NAV1: variants seen among roughly 807,000 people sequenced by gnomAD.
NAV1 encodes the protein neuron navigator 1, also known as pore membrane and/or filament interacting like protein 3.
A neutral mutation model predicts 175.2 loss-of-function variants in NAV1; 18 were observed. The ratio of observed to expected loss-of-function variants is 0.10; its 90% CI spans 0.07 to 0.15. NAV1 has a LOEUF of 0.15. Ranked by LOEUF, NAV1 falls within the 10% of genes least tolerant of loss-of-function variation. The pLI is 1.00. For synonymous variants in NAV1, 897 were observed against 978.7 expected, an observed-to-expected ratio of 0.92 and a Z score of 1.56; for missense variants, 1,731 against 2,436.6, an observed-to-expected ratio of 0.71 and a Z score of 6.10.
At chr1:201,661,264 C>T (rs747621486) in intron 1 of NAV1, among the ~76,000 whole-genome samples, 13 of 152,306 alleles carry the variant, frequency 8.5e-5, no homozygotes, top group Admixed American at 5.9e-4. Flanking sequence ...CTATAGGAAT[C>T]GGTTCTCTCT....
In NAV1 at chr1:201,737,985, G is replaced by A. The variant is rs1004369577; in HGVS notation, c.1226+19230G>A. On this transcript the variant is annotated intron_variant, in intron 3 of 29. Transcript: ENST00000367296. ...CTAGAGAACTCATTGTGCTCACCCCGTTTCGGGTGGTGGTGAGGATGGGAG... is the reference window on the plus strand; with the variant it reads ...CTAGAGAACTCATTGTGCTCACCCCATTTCGGGTGGTGGTGAGGATGGGAG... 2.0e-5 allele frequency among the ~76,000 whole-genome samples: 3 copies of A among 152,106 alleles called. 1 individual carries two copies. Among genetic ancestry groups the A allele is most frequent in the Admixed American group, 2.0e-4 (3 of 15,264 alleles).
intron 15 of NAV1, chr1:201,796,127 A>G (rs1307700934): frequency 1.3e-5 from 2 of 152,150 alleles, no homozygotes; most frequent in African/African-American, 2.4e-5. Flanking sequence ...TAATGCTGCC[A>G]TAAACATTCA....
chr1:201,804,071 AT>A, intron 16 of NAV1: 1 of 485,462 alleles, frequency 2.1e-6, no homozygotes, highest in Non-Finnish European at 3.9e-6. Flanking sequence ...CTATGGAGAG[AT>A]TTTATGAACA....
intron 2 of NAV1, among the ~76,000 whole-genome samples, chr1:201,594,072 C>CT (rs5780076): frequency 0.25 from 35,695 of 140,812 alleles, 4,463 homozygotes; most frequent in African/African-American, 0.27. Context: ...GGGAGTGGCA[C>CT]TTTTTTTTTT....
chr1:201,563,222 A>G (rs1666254649), intron 1 of NAV1, among the ~76,000 whole-genome samples: 1 of 152,168 alleles, frequency 6.6e-6, no homozygotes, highest in African/African-American at 2.4e-5. Flanking sequence ...CCCCCTGTGC[A>G]TCCGCGGCAG....
chr1:201,682,161 C>T (rs1670492920), intron 1 of NAV1, among the ~76,000 whole-genome samples: 1 of 151,612 alleles, frequency 6.6e-6, no homozygotes, highest in Non-Finnish European at 1.5e-5. Context: ...TGGCACATGC[C>T]TGTAATCCCA....
At chr1:201,646,853 C>T (rs561715161), upstream of NAV1, among the ~76,000 whole-genome samples, 3 of 152,222 alleles carry the variant, frequency 2.0e-5, no homozygotes, top group South Asian at 2.1e-4. Flanking sequence ...CCTGCGCTGG[C>T]GGGGGAGACA....
chr1:201,678,166 T>G (rs1670326527), intron 1 of NAV1, among the ~76,000 whole-genome samples: 1 of 152,208 alleles, frequency 6.6e-6, no homozygotes, highest in Non-Finnish European at 1.5e-5. Context: ...AGGACAAATA[T>G]TAATATCCCC....
At chr1:201,820,010 C>T (rs1421747757) in exon 30 of NAV1, 20 of 1,341,254 alleles carry the variant, frequency 1.5e-5, no homozygotes, top group Non-Finnish European at 1.9e-5. Flanking sequence ...CCCCTCTCCT[C>T]TTTCAGAGCA....
chr1:201,818,197 C>A (rs1455593574), intron 29 of NAV1, among the ~76,000 whole-genome samples: 1 of 152,062 alleles, frequency 6.6e-6, no homozygotes, highest in Non-Finnish European at 1.5e-5. Flanking sequence ...CCACTGCACT[C>A]CAGCCCAGGT....
At chr1:201,664,832 C>T (rs1669751056) in intron 1 of NAV1, among the ~76,000 whole-genome samples, 2 of 152,286 alleles carry the variant, frequency 1.3e-5, no homozygotes, top group South Asian at 4.2e-4. Flanking sequence ...CCCTCTGCCA[C>T]CAGTCCACCC....
In NAV1 at chr1:201,734,147, C is replaced by T. The variant is rs556042614; in HGVS notation, c.1226+15392C>T. Among the ~76,000 whole-genome samples the T allele has an allele frequency of 8.5e-5, 13 of 152,164 alleles. No individual in the cohort carries two copies. In the East Asian group the frequency reaches 2.1e-3, roughly 25 times the overall value. On this transcript the variant is annotated intron_variant, in intron 3 of 29. Transcript: ENST00000367296. ...CATTGGCCAGGTGTGATGGCTCACA[C>T]CTCTCATCCTAGCCCTTTGGAAGGC...
chr1:201,549,143 C>CTTTCT (rs377171359), intron 1 of NAV1, among the ~76,000 whole-genome samples: 1 of 107,956 alleles, frequency 9.3e-6, no homozygotes, highest in African/African-American at 3.3e-5. Flanking sequence ...TTCTTTCTTT[C>CTTTCT]TTCTTTCTCT....
At chr1:201,598,915 A>C (rs761157900) in intron 2 of NAV1, among the ~76,000 whole-genome samples, 12 of 152,150 alleles carry the variant, frequency 7.9e-5, no homozygotes, top group African/African-American at 2.4e-4. Flanking sequence ...AGAGGCCATG[A>C]CATCCCTCCC....
intron 1 of NAV1, among the ~76,000 whole-genome samples, chr1:201,569,075 G>C (rs1337385285): frequency 6.6e-6 from 1 of 152,116 alleles, no homozygotes; most frequent in East Asian, 1.9e-4. Context: ...CCTGCTCTGG[G>C]CAAACCCAGG....
At chr1:201,710,401 C>T (rs1671856628) in intron 1 of NAV1, among the ~76,000 whole-genome samples, 1 of 152,074 alleles carries the variant, frequency 6.6e-6, no homozygotes, top group African/African-American at 2.4e-5. Flanking sequence ...ATCTTCCTGC[C>T]TCAGCCTCCC....
At position 201,788,487 on chromosome 1, in the gene NAV1, C is replaced by T. The variant is rs1676910678; in HGVS notation, c.3015C>T (p.Thr1005=). Residue 1005 remains threonine, a synonymous_variant, in exon 10 of 30, where the codon ACC becomes ACT. Transcript: ENST00000367296. This position sits in a 1 kb window ranked among gnomAD's most constrained non-coding sequence, Gnocchi z 5.7. ...TTCCAGTGAGTCCCACTGCGGCCAC[C>T]ACGCCAAGAATCACCCGCTCCAACA... 6.2e-7 allele frequency: 1 copy of T among 1,614,126 alleles called. No homozygotes were observed. Among genetic ancestry groups the T allele is most frequent in the Non-Finnish European group, 8.5e-7 (1 of 1,180,012 alleles).
chr1:201,785,022 C>T (rs1343496237), intron 7 of NAV1, among the ~76,000 whole-genome samples: 2 of 152,178 alleles, frequency 1.3e-5, no homozygotes, highest in Non-Finnish European at 2.9e-5. Flanking sequence ...CCCGCCTTGG[C>T]CTGCCAAAGT....
chr1:201,743,414 A>C (rs374658743), intron 3 of NAV1, among the ~76,000 whole-genome samples: 59 of 152,330 alleles, frequency 3.9e-4, no homozygotes, highest in South Asian at 2.3e-3. Context: ...CCTGATTTAG[A>C]ACTCACTCCA....
Sources: allele counts gnomAD v4.1 joint callset (sites outside exome capture counted in the v4.1 genomes callset), GRCh38; gene constraint gnomAD v4.1.1; non-coding constraint Gnocchi (gnomAD v3.1); transcripts MANE v1.5; gene names NCBI Gene and HGNC (gene_info 2026-07-23, HGNC 2026-07-21).